The following INPP5F variants were observed in gnomAD, a reference collection of about 807,000 sequenced individuals.
The protein encoded by INPP5F is phosphatidylinositide 4-phosphatase SAC2.
In INPP5F, 97 loss-of-function variants were observed where a neutral mutation model predicts 137.2. The ratio of observed to expected loss-of-function variants is 0.71; its 90% CI spans 0.60 to 0.84. The LOEUF is 0.84. Ranked by LOEUF, INPP5F falls within the 40% of genes least tolerant of loss-of-function variation. The pLI is 0.00. For synonymous variants in INPP5F, 504 were observed against 476.9 expected (o/e 1.06, Z -0.74); for missense variants, 1,271 against 1,371.9 (o/e 0.93, Z 1.16).
At chr10:119,741,952 C>G (rs1170368863) in intron 1 of INPP5F, among the ~76,000 whole-genome samples, 8 of 151,956 alleles carry the variant, frequency 5.3e-5, no homozygotes, top group African/African-American at 1.9e-4. Context: ...TCCCAAGTAG[C>G]TGGGATTACA....
chr10:119,776,757 A>G (rs189671298), intron 2 of INPP5F, among the ~76,000 whole-genome samples: 19 of 147,090 alleles, frequency 1.3e-4, no homozygotes. Flanking sequence ...TTTCTTGTTT[A>G]TTTTTTTTTT....
rs1341320738 is a variant in INPP5F at position 119,827,562 on chromosome 10, G to C, written c.3181G>C (p.Glu1061Gln). The C allele has an allele frequency of 6.2e-7, 1 of 1,614,144 alleles. No individual in the cohort carries two copies. Among genetic ancestry groups the C allele is most frequent in the Admixed American group, 1.7e-5 (1 of 60,022 alleles). Residue 1061 changes from glutamate (E) to glutamine (Q), a missense_variant, in exon 20 of 20, where the codon GAG (glutamate) becomes CAG (glutamine). Coordinates refer to ENST00000650623, the MANE Select transcript of INPP5F (RefSeq NM_014937.4). ...GCTTCATGTAACTCCTTCTCCTTCA[G>C]AGAGCAGTAGCAGCAGAGCAGTCTC... The part of the protein sequence containing the change: ...TGLHVTPSPS[E>Q]SSSSRAVSPF...
At chr10:119,735,143 A>G (rs908618044) in intron 1 of INPP5F, among the ~76,000 whole-genome samples, 1 of 152,194 alleles carries the variant, frequency 6.6e-6, no homozygotes, top group African/African-American at 2.4e-5. Context: ...AGGATGACTC[A>G]TTTTCTGGTT....
chr10:119,767,292 A>G (rs1849202881), intron 2 of INPP5F, among the ~76,000 whole-genome samples: 1 of 152,104 alleles, frequency 6.6e-6, no homozygotes, highest in Non-Finnish European at 1.5e-5. Context: ...ATACACAACA[A>G]TAGTAGTAAC....
At chr10:119,727,205 A>T (rs1004450093) in intron 1 of INPP5F, among the ~76,000 whole-genome samples, 1 of 152,208 alleles carries the variant, frequency 6.6e-6, no homozygotes, top group Non-Finnish European at 1.5e-5. Flanking sequence ...TATCACTCAG[A>T]GATTCTTCCA....
Position 119,801,622 on chromosome 10 carries a change from C to G in INPP5F, c.1117-2551C>G, listed in dbSNP as rs533172376. ...AGGCCTGGTGGCACATGGCTGTAGT[C>G]CCAGCTACACAAAAGGCTGAAGTGG... On this transcript the variant is annotated intron_variant, in intron 9 of 19. Transcript: ENST00000650623. 3.3e-5 allele frequency among the ~76,000 whole-genome samples: 5 copies of G among 152,248 alleles called. No individual in the cohort carries two copies. In the East Asian group the frequency reaches 9.7e-4, roughly 29 times the overall value.
At position 119,787,746 on chromosome 10, in the gene INPP5F, T is replaced by G. The variant is rs529106799; in HGVS notation, c.316-3771T>G. ...AGATCAGACTGAAGCCAGAGGCCTTTCTGGGTCTGCATCTAGAAGCAGACA... is the reference window on the plus strand; with the variant it reads ...AGATCAGACTGAAGCCAGAGGCCTTGCTGGGTCTGCATCTAGAAGCAGACA... On this transcript the variant is annotated intron_variant, in intron 3 of 19. Transcript: ENST00000650623. The surrounding 1 kb of genome is among the most constrained non-coding windows in gnomAD (Gnocchi z 4.1). 8.7e-4 allele frequency among the ~76,000 whole-genome samples: 133 copies of G among 152,212 alleles called. No individual in the cohort carries two copies. The highest frequency in any genetic ancestry group is 3.1e-3 in the African/African-American group (129 of 41,522).
At chr10:119,767,631 A>T (rs1244359528) in intron 2 of INPP5F, among the ~76,000 whole-genome samples, 1 of 152,230 alleles carries the variant, frequency 6.6e-6, no homozygotes, top group Non-Finnish European at 1.5e-5. Flanking sequence ...AAAGATGTTT[A>T]TACTAGAAAA....
chr10:119,827,191 TGAA>T lies in INPP5F; in HGVS notation c.2814_2816del (p.Lys939del). Reference sequence around the variant, plus strand: ...CTTGGAAAAGGCCAGGAGTCTCCTTTGAAGAAAAGTCCTTCTGCTGGCGACGTA... The same window carrying T: ...CTTGGAAAAGGCCAGGAGTCTCCTTTGAAAAGTCCTTCTGCTGGCGACGTA... On this transcript the variant is annotated inframe_deletion, in exon 20 of 20. Coordinates refer to ENST00000650623, the MANE Select transcript of INPP5F (RefSeq NM_014937.4). The T allele has an allele frequency of 2.5e-6, 4 of 1,614,140 alleles. No homozygotes were observed. The South Asian group carries it at 4.4e-5, about 18-fold the overall frequency.
chr10:119,808,084 G>A (rs1850864798), intron 13 of INPP5F, 24 bp downstream of exon 13: 1 of 1,605,100 alleles, frequency 6.2e-7, no homozygotes, highest in Non-Finnish European at 8.5e-7. Context: ...GGAAGCATCT[G>A]TGGGTCATTA....
chr10:119,763,678 A>G (rs1849071681), intron 2 of INPP5F, among the ~76,000 whole-genome samples: 1 of 152,184 alleles, frequency 6.6e-6, no homozygotes, highest in Non-Finnish European at 1.5e-5. Flanking sequence ...TTTCCCCTGA[A>G]CGGGCCTTTT....
chr10:119,755,907 T>C (rs1480098131), intron 2 of INPP5F, among the ~76,000 whole-genome samples: 3 of 151,944 alleles, frequency 2.0e-5, no homozygotes, highest in East Asian at 3.9e-4. Context: ...CCTGTAATCC[T>C]AGCACTTTGG....
Position 119,826,726 on chromosome 10 carries a change from C to T in INPP5F, c.2345C>T (p.Ser782Leu). 6.2e-7 allele frequency: 1 copy of T among 1,613,236 alleles called. No homozygotes were observed. Among genetic ancestry groups the T allele is most frequent in the Non-Finnish European group, 8.5e-7 (1 of 1,179,702 alleles). ...AAGAATTTTTTAATGAGCAAATTTTCATCTCTAAATCAAAAAGTGAAGCAG... is the reference window on the plus strand; with the variant it reads ...AAGAATTTTTTAATGAGCAAATTTTTATCTCTAAATCAAAAAGTGAAGCAG... ...QGKNFLMSKF[S>L]SLNQKVKQTK... Residue 782 changes from serine to leucine, a missense_variant, in exon 20 of 20, where the codon TCA becomes TTA. Physicochemically the swap from Ser to Leu is moderately radical, Grantham distance 145. Coordinates refer to ENST00000650623, the MANE Select transcript of INPP5F (RefSeq NM_014937.4).
At chr10:119,767,726 G>A (rs995418614) in intron 2 of INPP5F, among the ~76,000 whole-genome samples, 4 of 152,170 alleles carry the variant, frequency 2.6e-5, no homozygotes, top group Non-Finnish European at 5.9e-5. Context: ...GAAACTGTGT[G>A]AATATTAGCC....
intron 6 of INPP5F, among the ~76,000 whole-genome samples, chr10:119,793,135 A>G (rs906971940): frequency 6.6e-6 from 1 of 152,196 alleles, no homozygotes; most frequent in Admixed American, 6.5e-5. Flanking sequence ...CTGTGTGCTG[A>G]CAATATCGAG....
intron 9 of INPP5F, among the ~76,000 whole-genome samples, chr10:119,803,305 A>G (rs549340023): frequency 1.5e-4 from 23 of 152,184 alleles, no homozygotes; most frequent in Middle Eastern, 3.2e-3. Flanking sequence ...TCTAAAATTT[A>G]TTTGTGTATA....
In INPP5F at chr10:119,826,979, TTCTAAG is replaced by T. The variant is rs1851785739; in HGVS notation, c.2602_2607del (p.Lys868_Ser869del). 1 of 1,614,028 alleles carries T rather than the reference TTCTAAG, an allele frequency of 6.2e-7. No homozygotes were observed. Among genetic ancestry groups the T allele is most frequent in the Non-Finnish European group, 8.5e-7 (1 of 1,179,990 alleles). On this transcript the variant is annotated inframe_deletion, in exon 20 of 20. Transcript: ENST00000650623. Reference sequence around the variant, plus strand: ...ACCACTCTGATGAATTCCTTACAAATTCTAAGTCTGATGAAGACAGGCAGCTAGCTA... The same window carrying T: ...ACCACTCTGATGAATTCCTTACAAATTCTGATGAAGACAGGCAGCTAGCTA...
chr10:119,824,058 T>C (rs1452869935), intron 19 of INPP5F, among the ~76,000 whole-genome samples, 156 bp downstream of exon 19: 1 of 152,246 alleles, frequency 6.6e-6, no homozygotes, highest in Admixed American at 6.5e-5. Context: ...CAAAATACTT[T>C]CAACATTCTT....
At chr10:119,762,859 T>C (rs1269028969) in intron 2 of INPP5F, among the ~76,000 whole-genome samples, 1 of 152,162 alleles carries the variant, frequency 6.6e-6, no homozygotes, top group Non-Finnish European at 1.5e-5. Context: ...TATGCTCTTC[T>C]CATATGCAAA....
Sources: allele counts gnomAD v4.1 joint callset (sites outside exome capture counted in the v4.1 genomes callset), GRCh38; gene constraint gnomAD v4.1.1; non-coding constraint Gnocchi (gnomAD v3.1); transcripts MANE v1.5; gene names NCBI Gene and HGNC (gene_info 2026-07-23, HGNC 2026-07-21).